Variants in MYO19 observed in about 807,000 individuals in gnomAD.
MYO19 encodes the protein unconventional myosin-XIX.
In MYO19, 132 loss-of-function variants were observed where a neutral mutation model predicts 129.2. The observed-to-expected ratio is 1.02, with a 90% CI of 0.89 to 1.18. MYO19 has a LOEUF of 1.18. Ranked by LOEUF, MYO19 falls within the 50% of genes most tolerant of loss-of-function variation. The pLI, the probability that MYO19 is intolerant of heterozygous loss-of-function variation, is 0.00. For missense variants in MYO19, 1,210 were observed against 1,216.7 expected, an observed-to-expected ratio of 0.99 and a Z score of 0.08; for synonymous variants, 531 against 477.2, an observed-to-expected ratio of 1.11 and a Z score of -1.47.
intron 6 of MYO19, among the ~76,000 whole-genome samples, chr17:36,524,764 A>C (rs1405554304): frequency 6.6e-6 from 1 of 152,178 alleles, no homozygotes; most frequent in Non-Finnish European, 1.5e-5. Context: ...TGCCATATGT[A>C]CAGTGACTCA....
chr17:36,500,725 T>TGG (rs2071456917), intron 23 of MYO19, 105 bp downstream of exon 23: 2 of 1,445,588 alleles, frequency 1.4e-6, no homozygotes, highest in Admixed American at 2.2e-5. Context: ...CTCTTCAGGC[T>TGG]GGGACACAGC....
At chr17:36,541,282 A>C (rs1360219748) in intron 2 of MYO19, among the ~76,000 whole-genome samples, 4 of 152,060 alleles carry the variant, frequency 2.6e-5, no homozygotes, top group Non-Finnish European at 1.5e-5. Flanking sequence ...GGGGATGTCT[A>C]CTACACGTGC....
Position 36,527,743 on chromosome 17 carries a change from C to T in MYO19, c.152-44G>A, listed in dbSNP as rs546991683. The T allele has an allele frequency of 3.9e-4, 618 of 1,581,172 alleles. 7 individuals are homozygous for T. In the South Asian group the frequency reaches 6.8e-3, roughly 17 times the overall value. ...TAGCAAACTCGGGCTCAAATATAGT[C>T]AAACCACACACACAGACACACATCT... On this transcript the variant is annotated intron_variant, in intron 4 of 25. Transcript: ENST00000614623.
chr17:36,522,886 G>C (rs2073226328), intron 6 of MYO19, among the ~76,000 whole-genome samples: 1 of 151,652 alleles, frequency 6.6e-6, no homozygotes, highest in African/African-American at 2.4e-5. Flanking sequence ...GGCGCCTGTA[G>C]TCCCAGCTAC....
chr17:36,527,299 T>C (rs1228991346), intron 5 of MYO19, among the ~76,000 whole-genome samples: 2 of 152,202 alleles, frequency 1.3e-5, no homozygotes, highest in African/African-American at 4.8e-5. Flanking sequence ...ATCCTTTCTC[T>C]TATGTCTCTT....
intron 11 of MYO19, chr17:36,512,983 T>A: frequency 1.4e-6 from 1 of 738,016 alleles, no homozygotes; most frequent in Non-Finnish European, 1.8e-6. Context: ...CACTTAGTGG[T>A]ATCTGACCTT....
At chr17:36,515,756 C>T in intron 7 of MYO19, 102 bp downstream of exon 7, 3 of 1,334,510 alleles carry the variant, frequency 2.2e-6, no homozygotes, top group South Asian at 1.4e-5. Flanking sequence ...ATCCTCCACC[C>T]CCACCCAAGA....
intron 6 of MYO19, among the ~76,000 whole-genome samples, chr17:36,517,416 T>A (rs1454223207): frequency 6.6e-6 from 1 of 152,062 alleles, no homozygotes; most frequent in East Asian, 1.9e-4. Context: ...CTCGCCACCA[T>A]GCCCAGCTAA....
At chr17:36,496,698 C>A (rs1192411160) in intron 25 of MYO19, among the ~76,000 whole-genome samples, 1 of 152,184 alleles carries the variant, frequency 6.6e-6, no homozygotes, top group Admixed American at 6.5e-5. Flanking sequence ...TCATGGGAGA[C>A]TTCATCCAGA....
At chr17:36,499,760 G>T (rs976948896) in intron 23 of MYO19, 2 of 134,406 alleles carry the variant, frequency 1.5e-5, no homozygotes, top group African/African-American at 2.8e-5. Context: ...CCGTAAGGCT[G>T]TAGCTTCAAT....
chr17:36,520,634 C>G (rs1049655950), intron 6 of MYO19, among the ~76,000 whole-genome samples: 7 of 151,946 alleles, frequency 4.6e-5, no homozygotes, highest in Non-Finnish European at 1.0e-4. Context: ...TCAGCCTACT[C>G]AAAGTGAAGA....
intron 6 of MYO19, among the ~76,000 whole-genome samples, chr17:36,523,194 A>C (rs535075653): frequency 1.3e-5 from 2 of 151,802 alleles, no homozygotes; most frequent in South Asian, 4.2e-4. Context: ...AAAAAAAAAA[A>C]AAAAAAACAA....
At chr17:36,505,972 G>A (rs533920964) in intron 18 of MYO19, among the ~76,000 whole-genome samples, 4 of 152,310 alleles carry the variant, frequency 2.6e-5, no homozygotes, top group Non-Finnish European at 5.9e-5. Context: ...GGATGAGAAG[G>A]ACTAAACTAG....
At chr17:36,530,243 T>C (rs1322820077) in intron 3 of MYO19, among the ~76,000 whole-genome samples, 3 of 151,966 alleles carry the variant, frequency 2.0e-5, no homozygotes, top group African/African-American at 7.3e-5. Context: ...GCCCAGGAGG[T>C]CGAGGCTACA....
intron 24 of MYO19, chr17:36,498,824 C>A: frequency 3.4e-6 from 2 of 594,446 alleles, no homozygotes; most frequent in South Asian, 4.1e-5. Context: ...AAAACCCAGT[C>A]TTCTAAAGTG....
chr17:36,537,654 G>A, upstream of MYO19: 3 of 1,614,146 alleles, frequency 1.9e-6, no homozygotes, highest in South Asian at 1.1e-5. Context: ...TTGTCTAGAG[G>A]TCAGGAGGAG....
intron 2 of MYO19, among the ~76,000 whole-genome samples, chr17:36,539,966 G>A (rs1479226095): frequency 6.6e-6 from 1 of 151,800 alleles, no homozygotes; most frequent in Non-Finnish European, 1.5e-5. Flanking sequence ...GGGCTGGGGG[G>A]CAAATGGCAG....
chr17:36,512,610 C>T, intron 11 of MYO19: 1 of 1,284,104 alleles, frequency 7.8e-7, no homozygotes, highest in Non-Finnish European at 1.0e-6. Context: ...GTGTTGTCCA[C>T]TTATCCTGGG....
upstream of MYO19, chr17:36,537,056 C>T (rs760391835): frequency 2.0e-6 from 3 of 1,503,956 alleles, no homozygotes; most frequent in South Asian, 2.6e-5. Flanking sequence ...AAGAATGCTG[C>T]TTTTCACAAA....
Sources: gnomAD v4.1 joint callset for allele counts (sites outside exome capture counted in the v4.1 genomes callset) on GRCh38, gnomAD v4.1.1 for gene constraint, MANE v1.5 for transcripts, NCBI Gene and HGNC (gene_info 2026-07-23, HGNC 2026-07-21) for gene names.